The following JAKMIP2 variants were observed in gnomAD, a reference collection of about 807,000 sequenced individuals.
JAKMIP2 encodes janus kinase and microtubule interacting protein 2.
A neutral mutation model predicts 115.0 loss-of-function variants in JAKMIP2; 25 were observed. That is an observed-to-expected ratio of 0.22 (90% CI 0.16 to 0.30). The LOEUF (loss-of-function observed/expected upper bound fraction) is 0.30. Among genes scored for constraint, JAKMIP2 ranks in the 10% least tolerant of loss-of-function variants. JAKMIP2 has a pLI of 1.00. For missense variants in JAKMIP2, 642 were observed against 957.6 expected, an observed-to-expected ratio of 0.67 and a Z score of 4.35; for synonymous variants, 334 against 343.6, an observed-to-expected ratio of 0.97 and a Z score of 0.31.
intron 1 of JAKMIP2, among the ~76,000 whole-genome samples, chr5:147,692,111 G>A (rs1335586167): frequency 6.6e-6 from 1 of 152,142 alleles, no homozygotes; most frequent in Non-Finnish European, 1.5e-5. Flanking sequence ...TGGAAATAGA[G>A]TCTCTGCAAA....
chr5:147,762,052 AGAAAGGAAG>A (rs941859340), intron 1 of JAKMIP2, among the ~76,000 whole-genome samples: 4 of 152,196 alleles, frequency 2.6e-5, no homozygotes, highest in African/African-American at 9.6e-5. Context: ...AAGTGAAAAA[AGAAAGGAAG>A]GAAAGGAGGG....
intron 19 of JAKMIP2, among the ~76,000 whole-genome samples, chr5:147,617,076 T>C (rs1756623096): frequency 6.6e-6 from 1 of 152,202 alleles, no homozygotes. Context: ...AATCTGTATT[T>C]TGACCAGGAC....
intron 2 of JAKMIP2, among the ~76,000 whole-genome samples, chr5:147,668,058 T>C (rs1222549218): frequency 6.6e-6 from 1 of 152,184 alleles, no homozygotes; most frequent in African/African-American, 2.4e-5. Flanking sequence ...AATTGCACCC[T>C]GTCTTTGTCA....
chr5:147,670,640 C>A (rs1759531148), intron 2 of JAKMIP2, among the ~76,000 whole-genome samples: 1 of 150,370 alleles, frequency 6.7e-6, no homozygotes, highest in South Asian at 2.1e-4. Flanking sequence ...TAATGTTTTG[C>A]AAGTTTATTA....
intron 3 of JAKMIP2, among the ~76,000 whole-genome samples, chr5:147,651,783 T>C (rs1479214468): frequency 6.6e-6 from 1 of 152,204 alleles, no homozygotes; most frequent in Admixed American, 6.5e-5. Flanking sequence ...TATCATCTGA[T>C]AACTTGGTAA....
intron 20 of JAKMIP2, 52 bp downstream of exon 20, chr5:147,612,254 A>G (rs1756366613): frequency 1.7e-6 from 2 of 1,204,604 alleles, no homozygotes; most frequent in South Asian, 2.4e-5. Flanking sequence ...CAAAATCAAT[A>G]TTGCTTTCTG....
intron 1 of JAKMIP2, among the ~76,000 whole-genome samples, chr5:147,720,912 G>T (rs2126941040): frequency 6.6e-6 from 1 of 152,318 alleles, no homozygotes; most frequent in Admixed American, 6.5e-5. Context: ...TCCTTTGGAG[G>T]AGGAGAGGCG....
intron 1 of JAKMIP2, among the ~76,000 whole-genome samples, chr5:147,732,643 T>C (rs751044486): frequency 1.5e-4 from 23 of 152,312 alleles, no homozygotes; most frequent in Non-Finnish European, 2.5e-4. Flanking sequence ...ATATTGAACA[T>C]TTACTAGGTG....
intron 1 of JAKMIP2, among the ~76,000 whole-genome samples, chr5:147,774,753 T>C (rs1755493043): frequency 6.6e-6 from 1 of 152,130 alleles, no homozygotes; most frequent in Non-Finnish European, 1.5e-5. Flanking sequence ...AAGAGCCAGG[T>C]AAGAAATGCG....
intron 1 of JAKMIP2, among the ~76,000 whole-genome samples, chr5:147,764,991 G>GGAGAGA (rs71001457): frequency 5.4e-5 from 2 of 37,166 alleles, no homozygotes; most frequent in South Asian, 9.1e-4. Flanking sequence ...AGAGAGAGAG[G>GGAGAGA]GAGAGAGAGA....
chr5:147,669,345 G>A (rs1051200286), intron 2 of JAKMIP2, among the ~76,000 whole-genome samples: 1 of 152,138 alleles, frequency 6.6e-6, no homozygotes, highest in African/African-American at 2.4e-5. Flanking sequence ...AGAAAAGGAC[G>A]AGGCTGTGTG....
chr5:147,748,300 C>T (rs1754425238), intron 1 of JAKMIP2, among the ~76,000 whole-genome samples: 2 of 152,052 alleles, frequency 1.3e-5, no homozygotes, highest in South Asian at 4.2e-4. Flanking sequence ...TCCCACAGAA[C>T]AGTTTCTGGC....
intron 14 of JAKMIP2, 98 bp downstream of exon 14, chr5:147,631,315 C>T: frequency 1.5e-6 from 1 of 646,318 alleles, no homozygotes; most frequent in Admixed American, 3.0e-5. Flanking sequence ...TGATGACATC[C>T]AGTGACTGAA....
chr5:147,746,762 ATATATG>A, intron 1 of JAKMIP2, among the ~76,000 whole-genome samples: 1 of 152,304 alleles, frequency 6.6e-6, no homozygotes, highest in East Asian at 1.9e-4. Context: ...AGAAATTCTC[ATATATG>A]TAACATTGGA....
chr5:147,656,480 C>T (rs1758680907), intron 3 of JAKMIP2, among the ~76,000 whole-genome samples: 1 of 152,130 alleles, frequency 6.6e-6, no homozygotes, highest in Non-Finnish European at 1.5e-5. Flanking sequence ...GGTTTAAAGT[C>T]TGTTTTATCA....
intron 1 of JAKMIP2, among the ~76,000 whole-genome samples, chr5:147,710,811 C>A (rs1752748823): frequency 1.3e-5 from 2 of 152,154 alleles, no homozygotes; most frequent in African/African-American, 4.8e-5. Context: ...GTTCTGAAAT[C>A]TTAATTACAT....
At chr5:147,763,337 G>C (rs1204318534) in intron 1 of JAKMIP2, among the ~76,000 whole-genome samples, 1 of 152,100 alleles carries the variant, frequency 6.6e-6, no homozygotes, top group African/African-American at 2.4e-5. Flanking sequence ...TTGACAAAGA[G>C]AAACACAGAC....
At chr5:147,618,198 A>C (rs1316691316) in intron 18 of JAKMIP2, 84 bp from the exon 19 acceptor site, 5 of 982,044 alleles carry the variant, frequency 5.1e-6, no homozygotes, top group Non-Finnish European at 8.1e-6. Flanking sequence ...ATGTATATGT[A>C]TATGGCTGCC....
chr5:147,603,687 T>C (rs549997343), intron 20 of JAKMIP2, among the ~76,000 whole-genome samples: 7 of 152,336 alleles, frequency 4.6e-5, no homozygotes, highest in Admixed American at 1.3e-4. Flanking sequence ...ATGTGAAATA[T>C]GCAAGGTTGA....
Sources: gnomAD v4.1 joint callset for allele counts (sites outside exome capture counted in the v4.1 genomes callset) on GRCh38, gnomAD v4.1.1 for gene constraint, MANE v1.5 for transcripts, NCBI Gene and HGNC (gene_info 2026-07-23, HGNC 2026-07-21) for gene names.